The following EXOC6 variants were observed in gnomAD, a reference collection of about 807,000 sequenced individuals.
EXOC6 encodes SEC15-like 1.
In EXOC6, 60 loss-of-function variants were observed where a neutral mutation model predicts 112.5. The ratio of observed to expected loss-of-function variants is 0.53; its 90% confidence interval spans 0.43 to 0.66. The LOEUF (loss-of-function observed/expected upper bound fraction) is 0.66, where lower values mean the gene tolerates loss of function less well. Ranked by LOEUF, EXOC6 falls within the 30% of genes least tolerant of loss-of-function variation. The pLI, the probability that EXOC6 is intolerant of heterozygous loss-of-function variation, is 0.00. For synonymous variants in EXOC6, 295 were observed against 308.0 expected, an observed-to-expected ratio of 0.96 and a Z score of 0.44; for missense variants, 855 against 957.1, an observed-to-expected ratio of 0.89 and a Z score of 1.41.
chr10:93,034,749 A>G (rs1310150318), intron 20 of EXOC6, among the ~76,000 whole-genome samples: 1 of 152,236 alleles, frequency 6.6e-6, no homozygotes, highest in East Asian at 1.9e-4. Flanking sequence ...ACTTTTAAAT[A>G]ACAATTATTT....
intron 20 of EXOC6, among the ~76,000 whole-genome samples, chr10:93,042,344 C>T (rs1386834736): frequency 6.6e-6 from 1 of 152,178 alleles, no homozygotes; most frequent in African/African-American, 2.4e-5. Flanking sequence ...TGATAATAGC[C>T]TATACATATG....
At chr10:93,007,291 T>A (rs367771997) in intron 19 of EXOC6, among the ~76,000 whole-genome samples, 146 of 149,650 alleles carry the variant, frequency 9.8e-4, no homozygotes, top group African/African-American at 3.4e-3. Context: ...CTCAAAAATT[T>A]TTTTTTTTTT....
intron 19 of EXOC6, among the ~76,000 whole-genome samples, chr10:93,004,587 T>C (rs1390280724): frequency 6.6e-6 from 1 of 152,242 alleles, no homozygotes; most frequent in Non-Finnish European, 1.5e-5. Context: ...TTAAAATGTT[T>C]CCTTGTAGGG....
At chr10:92,862,526 A>C (rs117942710) in intron 1 of EXOC6, among the ~76,000 whole-genome samples, 1 of 152,132 alleles carries the variant, frequency 6.6e-6, no homozygotes, top group Non-Finnish European at 1.5e-5. Flanking sequence ...ACAAGGCACC[A>C]TCTATGAACC....
intron 20 of EXOC6, among the ~76,000 whole-genome samples, chr10:93,039,798 ACCTGAAAAC>A (rs1425684416): frequency 6.6e-6 from 1 of 152,012 alleles, no homozygotes; most frequent in East Asian, 1.9e-4. Flanking sequence ...ATTCTATGCC[ACCTGAAAAC>A]CCTCATTGCA....
intron 18 of EXOC6, among the ~76,000 whole-genome samples, chr10:92,974,872 A>G (rs1353894918): frequency 6.6e-6 from 1 of 152,142 alleles, no homozygotes; most frequent in African/African-American, 2.4e-5. Context: ...TCAGTGCTCA[A>G]TGGTGCCCAG....
At position 92,871,423 on chromosome 10, in the gene EXOC6, TG is replaced by T. The variant is rs985168938; in HGVS notation, c.102-21923del. 8.0e-5 allele frequency among the ~76,000 whole-genome samples: 11 copies of T among 136,894 alleles called. No individual in the cohort carries two copies. The Admixed American group carries it at 8.6e-4, about 11-fold the overall frequency. 89.8% of individuals were successfully genotyped at this position (136,894 alleles called of 152,430 possible). A position where few individuals can be genotyped will look rare whatever the true frequency, so the allele number is the denominator to read the frequency against. On this transcript the variant is annotated intron_variant, in intron 1 of 21. Transcript: ENST00000260762. The stretch of plus-strand genomic sequence containing the variant: ...GTCTTAGCTAATTGGGAGGCTGAGG[TG>T]GGAGGTTGGGGCTGGAGTGAGCTGT...
chr10:92,943,745 T>A (rs570148574), intron 13 of EXOC6, among the ~76,000 whole-genome samples: 16 of 151,204 alleles, frequency 1.1e-4, no homozygotes, highest in Non-Finnish European at 2.2e-4. Context: ...ATTTAAAATC[T>A]ACTGTTGGCA....
At chr10:92,885,287 C>T (rs981715247) in intron 1 of EXOC6, among the ~76,000 whole-genome samples, 1 of 151,902 alleles carries the variant, frequency 6.6e-6, no homozygotes, top group East Asian at 1.9e-4. Flanking sequence ...TATTTTTATA[C>T]ATTCCGAGTT....
At chr10:92,850,258 A>G (rs796995036) in intron 1 of EXOC6, among the ~76,000 whole-genome samples, 4 of 152,306 alleles carry the variant, frequency 2.6e-5, no homozygotes, top group African/African-American at 7.2e-5. Context: ...ATATTGAGAG[A>G]TTTTTGGGAC....
At chr10:92,889,111 T>C (rs935465521) in intron 1 of EXOC6, among the ~76,000 whole-genome samples, 2 of 152,194 alleles carry the variant, frequency 1.3e-5, no homozygotes, top group African/African-American at 2.4e-5. Context: ...TTTGGTCATA[T>C]TTATTTGATA....
At chr10:92,849,165 A>G (rs976281184) in intron 1 of EXOC6, among the ~76,000 whole-genome samples, 1 of 150,890 alleles carries the variant, frequency 6.6e-6, no homozygotes, top group Non-Finnish European at 1.5e-5. Flanking sequence ...CTTTCCCCCT[A>G]CTCCCCCGCG....
intron 18 of EXOC6, among the ~76,000 whole-genome samples, chr10:92,979,712 T>C (rs1475937041): frequency 6.6e-6 from 1 of 152,040 alleles, no homozygotes; most frequent in Non-Finnish European, 1.5e-5. Flanking sequence ...GGAAGGTCGC[T>C]TGAGCCCAGG....
chr10:92,837,168 CCT>C (rs1846687710), intron 1 of EXOC6, among the ~76,000 whole-genome samples: 1 of 151,012 alleles, frequency 6.6e-6, no homozygotes, highest in African/African-American at 2.4e-5. Flanking sequence ...TTCTTTGAAG[CCT>C]CTCCTATCTA....
At chr10:93,050,759 C>CAAATAAAAAAAAAA (rs1846243668) in intron 20 of EXOC6, among the ~76,000 whole-genome samples, 1 of 37,306 alleles carries the variant, frequency 2.7e-5, no homozygotes, top group Non-Finnish European at 4.4e-5. Flanking sequence ...GACTCCGTCT[C>CAAATAAAAAAAAAA]AAAAAAAAAA....
chr10:92,859,895 G>A (rs1397327952), intron 1 of EXOC6, among the ~76,000 whole-genome samples: 1 of 151,402 alleles, frequency 6.6e-6, no homozygotes, highest in African/African-American at 2.4e-5. Context: ...CATCAATGTT[G>A]TGTGGAGTGC....
rs1850629294 is a variant in EXOC6 at position 92,909,623 on chromosome 10, A to G, written c.655A>G (p.Met219Val). 6 of 1,597,142 alleles carry G rather than the reference A, an allele frequency of 3.8e-6. No homozygotes were observed. Among genetic ancestry groups the G allele is most frequent in the African/African-American group, 2.7e-5 (2 of 74,628 alleles). Residue 219 changes from methionine to valine, a missense_variant, in exon 6 of 22, where the codon ATG becomes GTG. Met to Val is a conservative substitution (Grantham distance 21). Transcript: ENST00000260762. ...KHSDKIGETA[M>V]KQAQHQKTFS... Reference sequence around the variant, plus strand: ...TTCTGACAAAATAGGTGAAACAGCAATGAAACAGGTGAGATTAAAAATAAT... The same window carrying G: ...TTCTGACAAAATAGGTGAAACAGCAGTGAAACAGGTGAGATTAAAAATAAT...
intron 18 of EXOC6, among the ~76,000 whole-genome samples, chr10:92,977,034 C>T (rs1366645555): frequency 2.0e-5 from 3 of 152,108 alleles, no homozygotes; most frequent in East Asian, 1.9e-4. Flanking sequence ...ATTTTATCAA[C>T]CTTTTTATCT....
chr10:92,905,807 A>G (rs966688154), intron 5 of EXOC6, among the ~76,000 whole-genome samples: 6 of 151,982 alleles, frequency 3.9e-5, no homozygotes, highest in Non-Finnish European at 7.4e-5. Flanking sequence ...AAAAATATGT[A>G]TTTTGTAGTT....
Sources: gnomAD v4.1 joint callset for allele counts (sites outside exome capture counted in the v4.1 genomes callset) on GRCh38, gnomAD v4.1.1 for gene constraint, MANE v1.5 for transcripts, NCBI Gene and HGNC (gene_info 2026-07-23, HGNC 2026-07-21) for gene names.